Variants in CCSER1 observed in about 807,000 individuals in gnomAD.
CCSER1 encodes serine-rich coiled-coil domain-containing protein 1.
CCSER1 carries 41 observed loss-of-function variants against 82.0 expected under a neutral mutation model. The ratio of observed to expected loss-of-function variants is 0.50; its 90% CI spans 0.39 to 0.65. The LOEUF (loss-of-function observed/expected upper bound fraction) is 0.65, where lower values mean the gene tolerates loss of function less well. Among genes scored for constraint, CCSER1 ranks in the 30% least tolerant of loss-of-function variants. The probability of loss-of-function intolerance (pLI) is 0.00; values close to 1 mark genes in which losing one functional copy is unlikely to be tolerated. For synonymous variants in CCSER1, 414 were observed against 383.9 expected, an observed-to-expected ratio of 1.08 and a Z score of -0.92; for missense variants, 1,119 against 1,064.2, an observed-to-expected ratio of 1.05 and a Z score of -0.72.
intron 10 of CCSER1, among the ~76,000 whole-genome samples, chr4:91,350,840 C>G (rs773868423): frequency 6.6e-6 from 1 of 151,688 alleles, no homozygotes; most frequent in Admixed American, 6.6e-5. Flanking sequence ...AATGATGTTA[C>G]AATGGTTAAT....
At chr4:90,191,898 A>G (rs1485151917) in intron 1 of CCSER1, among the ~76,000 whole-genome samples, 2 of 152,106 alleles carry the variant, frequency 1.3e-5, no homozygotes, top group African/African-American at 4.8e-5. Flanking sequence ...GTTTTCTACT[A>G]TATACTAGAG....
chr4:90,988,525 A>G (rs1416037826), intron 9 of CCSER1, among the ~76,000 whole-genome samples: 1 of 151,626 alleles, frequency 6.6e-6, no homozygotes, highest in Admixed American at 6.6e-5. Context: ...AATCAAGCCA[A>G]TTATTGCTGG....
At chr4:90,864,868 C>T (rs529216481) in intron 8 of CCSER1, among the ~76,000 whole-genome samples, 2 of 152,070 alleles carry the variant, frequency 1.3e-5, no homozygotes, top group South Asian at 4.1e-4. Context: ...TAAAATATCA[C>T]CAATATCTTT....
intron 10 of CCSER1, among the ~76,000 whole-genome samples, chr4:91,207,437 GT>G (rs749239691): frequency 2.6e-5 from 4 of 151,656 alleles, no homozygotes; most frequent in Non-Finnish European, 5.9e-5. Context: ...CTGTCCATGT[GT>G]TTTCGTTATT....
At chr4:90,871,280 G>A (rs1363842782) in intron 8 of CCSER1, among the ~76,000 whole-genome samples, 1 of 150,888 alleles carries the variant, frequency 6.6e-6, no homozygotes, top group African/African-American at 2.4e-5. Context: ...GCTTGTTCAA[G>A]TTTTAAAAAA....
chr4:90,635,184 A>C (rs1725197180), intron 6 of CCSER1, among the ~76,000 whole-genome samples: 1 of 151,812 alleles, frequency 6.6e-6, no homozygotes, highest in Non-Finnish European at 1.5e-5. Flanking sequence ...GAAAATTTCT[A>C]GAAGACTTGA....
At chr4:90,170,726 A>G (rs1731502174) in intron 1 of CCSER1, among the ~76,000 whole-genome samples, 1 of 151,938 alleles carries the variant, frequency 6.6e-6, no homozygotes, top group Admixed American at 6.6e-5. Context: ...GCTGAATAGT[A>G]TTCCATTGTA....
At chr4:90,510,588 C>T (rs1771357691) in intron 5 of CCSER1, among the ~76,000 whole-genome samples, 1 of 152,184 alleles carries the variant, frequency 6.6e-6, no homozygotes, top group African/African-American at 2.4e-5. Flanking sequence ...CTATTGCAAT[C>T]AAATGTTATC....
intron 10 of CCSER1, among the ~76,000 whole-genome samples, chr4:91,191,332 C>A (rs921151615): frequency 6.6e-6 from 1 of 152,126 alleles, no homozygotes; most frequent in Non-Finnish European, 1.5e-5. Context: ...CTTCTCTGTT[C>A]TAAAGAAATT....
chr4:91,206,033 A>G (rs924207345), intron 10 of CCSER1, among the ~76,000 whole-genome samples: 1 of 151,902 alleles, frequency 6.6e-6, no homozygotes, highest in African/African-American at 2.4e-5. Context: ...GTAAGCTAAT[A>G]CAGACATCCA....
At chr4:91,176,709 G>A (rs891556259) in intron 10 of CCSER1, among the ~76,000 whole-genome samples, 7 of 152,162 alleles carry the variant, frequency 4.6e-5, no homozygotes, top group Non-Finnish European at 1.0e-4. Flanking sequence ...TCAGCTTAAG[G>A]AGATTTTGGG....
At chr4:91,509,777 T>G (rs901217748) in intron 10 of CCSER1, among the ~76,000 whole-genome samples, 6 of 152,266 alleles carry the variant, frequency 3.9e-5, no homozygotes, top group African/African-American at 1.4e-4. Flanking sequence ...GTCAGGATTC[T>G]CTAGAGAAAC....
At chr4:91,496,755 A>AT (rs1758905122) in intron 10 of CCSER1, among the ~76,000 whole-genome samples, 1 of 83,684 alleles carries the variant, frequency 1.2e-5, no homozygotes. Flanking sequence ...ATATTTGAAT[A>AT]TATATATATT....
intron 1 of CCSER1, among the ~76,000 whole-genome samples, chr4:90,206,107 G>T (rs1738773064): frequency 6.6e-6 from 1 of 151,838 alleles, no homozygotes; most frequent in Admixed American, 6.6e-5. Context: ...TATTAGTCTG[G>T]CTAGCATTCT....
At chr4:91,546,862 G>T (rs1355029534) in intron 10 of CCSER1, among the ~76,000 whole-genome samples, 1 of 151,588 alleles carries the variant, frequency 6.6e-6, no homozygotes, top group East Asian at 1.9e-4. Flanking sequence ...TGCATTAAAT[G>T]CTATAAATGT....
chr4:90,233,686 G>C (rs1745162924), intron 1 of CCSER1, among the ~76,000 whole-genome samples: 1 of 149,650 alleles, frequency 6.7e-6, no homozygotes, highest in Non-Finnish European at 1.5e-5. Flanking sequence ...CCAATCTTGA[G>C]GGTATAAAAG....
At chr4:90,503,550 T>A (rs1419058930) in intron 5 of CCSER1, among the ~76,000 whole-genome samples, 1 of 152,208 alleles carries the variant, frequency 6.6e-6, no homozygotes, top group Non-Finnish European at 1.5e-5. Flanking sequence ...CTCCTAATGC[T>A]ATCCCTCCCC....
chr4:90,790,381 T>C (rs537895483), intron 7 of CCSER1, among the ~76,000 whole-genome samples: 1 of 152,326 alleles, frequency 6.6e-6, no homozygotes, highest in African/African-American at 2.4e-5. Context: ...ATTTGGTTTC[T>C]TTTGGTTTCT....
chr4:91,079,973 C>T (rs957073132), intron 9 of CCSER1, among the ~76,000 whole-genome samples: 5 of 152,130 alleles, frequency 3.3e-5, no homozygotes, highest in African/African-American at 1.2e-4. Flanking sequence ...TAATGGCAGA[C>T]TTTAACAACC....
Sources: gnomAD v4.1 joint callset for allele counts (sites outside exome capture counted in the v4.1 genomes callset) on GRCh38, gnomAD v4.1.1 for gene constraint, MANE v1.5 for transcripts, NCBI Gene and HGNC (gene_info 2026-07-23, HGNC 2026-07-21) for gene names.